DNAH14: variants seen among roughly 807,000 people sequenced by gnomAD.
DNAH14 encodes the protein dynein axonemal heavy chain 14.
In DNAH14, 478 loss-of-function variants were observed where a neutral mutation model predicts 520.9. The ratio of observed to expected loss-of-function variants is 0.92; its 90% CI spans 0.85 to 0.99. DNAH14 has a LOEUF of 0.99. Among genes scored for constraint, DNAH14 ranks in the 50% least tolerant of loss-of-function variants. The pLI is 0.00. For missense variants in DNAH14, 4,831 were observed against 5,234.5 expected (o/e 0.92, Z 2.38); for synonymous variants, 1,581 against 1,757.2 (o/e 0.90, Z 2.51).
At chr1:225,123,297 T>G (rs1470977749) in intron 26 of DNAH14, among the ~76,000 whole-genome samples, 1 of 152,138 alleles carries the variant, frequency 6.6e-6, no homozygotes, top group African/African-American at 2.4e-5. Flanking sequence ...TCTCAGAAAC[T>G]CAATGGCCTT....
chr1:225,086,378 C>T (rs2073802296), intron 21 of DNAH14, among the ~76,000 whole-genome samples: 1 of 151,968 alleles, frequency 6.6e-6, no homozygotes, highest in South Asian at 2.1e-4. Context: ...TCATGATCTG[C>T]CCACCTCAGC....
chr1:224,983,924 T>C (rs1291200863), intron 8 of DNAH14, among the ~76,000 whole-genome samples: 2 of 152,160 alleles, frequency 1.3e-5, no homozygotes, highest in African/African-American at 4.8e-5. Context: ...CATCCCATGC[T>C]CATGGATGAG....
intron 34 of DNAH14, among the ~76,000 whole-genome samples, chr1:225,157,890 A>G (rs1045969122): frequency 1.3e-5 from 2 of 152,212 alleles, no homozygotes; most frequent in Non-Finnish European, 2.9e-5. Context: ...CCAACCCGCT[A>G]TAACTCTCCC....
chr1:225,084,250 A>G (rs1025688586), intron 20 of DNAH14, among the ~76,000 whole-genome samples: 4 of 152,034 alleles, frequency 2.6e-5, no homozygotes, highest in African/African-American at 9.7e-5. Context: ...TAAGGAGGCA[A>G]TCAGCTGGTA....
chr1:225,268,435 C>A (rs1278959241), intron 49 of DNAH14, among the ~76,000 whole-genome samples: 2 of 152,222 alleles, frequency 1.3e-5, no homozygotes, highest in Non-Finnish European at 2.9e-5. Flanking sequence ...GGGATGCCCT[C>A]TCTAACCACT....
chr1:225,244,938 G>A (rs961732359), intron 43 of DNAH14, among the ~76,000 whole-genome samples: 1 of 152,146 alleles, frequency 6.6e-6, no homozygotes, highest in Non-Finnish European at 1.5e-5. Context: ...TAATTGTGAT[G>A]TTAGGGTGTC....
chr1:225,359,144 C>T (rs1020124830), intron 74 of DNAH14, among the ~76,000 whole-genome samples: 28 of 152,138 alleles, frequency 1.8e-4, no homozygotes, highest in Admixed American at 3.3e-4. Flanking sequence ...TTTCCTAGTC[C>T]TATTTAAAAT....
intron 27 of DNAH14, among the ~76,000 whole-genome samples, chr1:225,130,290 A>T (rs1250102738): frequency 6.6e-6 from 1 of 152,144 alleles, no homozygotes; most frequent in Non-Finnish European, 1.5e-5. Context: ...AACTAGAAAT[A>T]CCATTTGACC....
chr1:225,183,463 A>G (rs1269159748), intron 36 of DNAH14, among the ~76,000 whole-genome samples: 1 of 152,198 alleles, frequency 6.6e-6, no homozygotes, highest in Non-Finnish European at 1.5e-5. Flanking sequence ...AAGAAATTAG[A>G]AAGATCTCAA....
intron 66 of DNAH14, 49 bp downstream of exon 66, chr1:225,333,555 T>C (rs1313510469): frequency 8.1e-6 from 12 of 1,481,320 alleles, no homozygotes; most frequent in Non-Finnish European, 1.1e-5. Flanking sequence ...ATTGTTTATT[T>C]GGATTTTAGC....
At chr1:225,051,818 T>C (rs934443821) in intron 17 of DNAH14, 23 bp downstream of exon 17, 57 of 1,420,866 alleles carry the variant, frequency 4.0e-5, no homozygotes, top group Non-Finnish European at 5.0e-5. Flanking sequence ...AAAATTCTTA[T>C]TGTGTAAGAA....
In DNAH14 at chr1:225,360,859, A is replaced by G; in HGVS notation, c.11955A>G (p.Ser3985=). 1.3e-6 allele frequency: 2 copies of G among 1,551,734 alleles called. No homozygotes were observed. Among genetic ancestry groups the G allele is most frequent in the Non-Finnish European group, 8.7e-7 (1 of 1,146,982 alleles). Residue 3985 remains serine, a synonymous_variant, in exon 75 of 86, where the codon TCA becomes TCG. Coordinates refer to ENST00000682510, the MANE Select transcript of DNAH14 (RefSeq NM_001367479.1). Reference sequence around the variant, plus strand: ...TCCAGAACTGCCATCTTGCAACATCATTTATGCCAAGGCTTTGCACAATTG... The same window carrying G: ...TCCAGAACTGCCATCTTGCAACATCGTTTATGCCAAGGCTTTGCACAATTG... ...VFLQNCHLAT[S]FMPRLCTIVE...
intron 37 of DNAH14, among the ~76,000 whole-genome samples, chr1:225,189,484 C>G (rs527940830): frequency 1.3e-5 from 2 of 148,502 alleles, no homozygotes; most frequent in East Asian, 4.1e-4. Flanking sequence ...TGGAATTTAT[C>G]TACCAGTTGT....
Position 225,335,870 on chromosome 1 carries a change from CACATATACATATATGTACATAT to C in DNAH14, c.10081-1390_10081-1369del, listed in dbSNP as rs1412453242. ...ACACATATGTACATATATGTACATA[CACATATACATATATGTACATAT>C]ACATACATATATGCATGTATGTATA... On this transcript the variant is annotated intron_variant, in intron 66 of 85. Coordinates refer to ENST00000682510, the MANE Select transcript of DNAH14 (RefSeq NM_001367479.1). 2.0e-3 allele frequency among the ~76,000 whole-genome samples: 98 copies of C among 48,914 alleles called. 7 individuals are homozygous for C. The East Asian group carries it at 0.026, about 13-fold the overall frequency. 32.1% of individuals were successfully genotyped at this position (48,914 alleles called of 152,430 possible). A position where few individuals can be genotyped will look rare whatever the true frequency, so the allele number is the denominator to read the frequency against.
chr1:225,152,599 G>T, intron 32 of DNAH14, 98 bp from the exon 33 acceptor site: 1 of 1,115,172 alleles, frequency 9.0e-7, no homozygotes, highest in Non-Finnish European at 1.2e-6. Flanking sequence ...AGGTCACACA[G>T]AACACCAATA....
chr1:225,259,720 A>C (rs1017033719), intron 46 of DNAH14, among the ~76,000 whole-genome samples: 3 of 151,962 alleles, frequency 2.0e-5, no homozygotes, highest in African/African-American at 7.3e-5. Context: ...ATTCCTTCCC[A>C]CCTTACCTGT....
At chr1:225,278,117 G>GTTTTA (rs1383434399) in intron 54 of DNAH14, among the ~76,000 whole-genome samples, 1 of 138,776 alleles carries the variant, frequency 7.2e-6, no homozygotes, top group East Asian at 1.9e-4. Flanking sequence ...TTAAACTTGT[G>GTTTTA]TTTAAATAAA....
intron 27 of DNAH14, among the ~76,000 whole-genome samples, chr1:225,136,235 G>A (rs2078941322): frequency 6.6e-6 from 1 of 152,102 alleles, no homozygotes; most frequent in Admixed American, 6.6e-5. Context: ...TGTTTGTGTG[G>A]TTGCTTCATA....
At chr1:225,290,641 GTGTGTGTATATATATATATATATATATA>G (rs1434513810) in intron 55 of DNAH14, among the ~76,000 whole-genome samples, 3,561 of 91,254 alleles carry the variant, frequency 0.039, 414 homozygotes, top group African/African-American at 0.13. Context: ...ATGTGTGTGT[GTGTGTGTATATATATATATATATATATA>G]TATATATATA....
Sources: gnomAD v4.1 joint callset for allele counts (sites outside exome capture counted in the v4.1 genomes callset) on GRCh38, gnomAD v4.1.1 for gene constraint, MANE v1.5 for transcripts, NCBI Gene and HGNC (gene_info 2026-07-23, HGNC 2026-07-21) for gene names.